Variants in TESC observed in about 807,000 individuals in gnomAD.
TESC encodes the protein calcineurin B homologous protein 3.
In TESC, 19 loss-of-function variants were observed where a neutral mutation model predicts 31.0. That is an observed-to-expected ratio of 0.61 (90% CI 0.43 to 0.90). The LOEUF (loss-of-function observed/expected upper bound fraction) is 0.90, where lower values mean the gene tolerates loss of function less well. Among genes scored for constraint, TESC ranks in the 40% least tolerant of loss-of-function variants. TESC has a pLI of 0.00. For synonymous variants in TESC, 109 were observed against 114.8 expected, an observed-to-expected ratio of 0.95 and a Z score of 0.32; for missense variants, 248 against 303.8, an observed-to-expected ratio of 0.82 and a Z score of 1.36.
At position 117,049,227 on chromosome 12, in the gene TESC, G is replaced by A; in HGVS notation, c.210-69C>T. The A allele has an allele frequency of 5.0e-6, 8 of 1,602,526 alleles. 1 individual carries two copies. In the South Asian group the frequency reaches 8.9e-5, roughly 18 times the overall value. On this transcript the variant is annotated intron_variant, in intron 3 of 7. Transcript: ENST00000335209. ...GGATCTTGTCCTCTTGCTACCATTA[G>A]CTCCCGAGAACTCCGCTCTCAGGGT...
At chr12:117,040,421 T>C (rs1954465386) in intron 7 of TESC, among the ~76,000 whole-genome samples, 3 of 152,180 alleles carry the variant, frequency 2.0e-5, no homozygotes, top group Admixed American at 2.0e-4. Context: ...AGGGACAGGC[T>C]TGGGGAGCAC....
At chr12:117,068,296 G>A (rs969648863) in intron 2 of TESC, among the ~76,000 whole-genome samples, 2 of 152,144 alleles carry the variant, frequency 1.3e-5, no homozygotes, top group Admixed American at 6.5e-5. Context: ...TTGGGAGGCC[G>A]AGGCGGGTGG....
intron 3 of TESC, among the ~76,000 whole-genome samples, chr12:117,050,858 G>A (rs1057286978): frequency 3.9e-5 from 6 of 152,292 alleles, no homozygotes; most frequent in Middle Eastern, 3.4e-3. Context: ...CCAGGAGGCC[G>A]AGGCTGCAGT....
chr12:117,053,386 CT>C (rs1187089198), intron 3 of TESC, among the ~76,000 whole-genome samples: 2 of 152,306 alleles, frequency 1.3e-5, no homozygotes, highest in African/African-American at 4.8e-5. Context: ...GGAAAACAGC[CT>C]GGCAGGTGTG....
At chr12:117,084,559 G>A (rs1037381854) in intron 1 of TESC, among the ~76,000 whole-genome samples, 1 of 152,230 alleles carries the variant, frequency 6.6e-6, no homozygotes, top group African/African-American at 2.4e-5. Flanking sequence ...TCAGGCTGTG[G>A]GGACCTGCTT....
chr12:117,081,941 G>T (rs1004776336), intron 1 of TESC, among the ~76,000 whole-genome samples: 1 of 151,830 alleles, frequency 6.6e-6, no homozygotes, highest in Admixed American at 6.6e-5. Context: ...TGGGGGAAAT[G>T]GGCCAGGTGT....
At chr12:117,044,602 C>T (rs1234083742) in intron 6 of TESC, among the ~76,000 whole-genome samples, 1 of 152,182 alleles carries the variant, frequency 6.6e-6, no homozygotes, top group African/African-American at 2.4e-5. Flanking sequence ...AGAAAGCACT[C>T]TCAAAAGATC....
chr12:117,054,401 G>GATGCAGCCTGCCCTCCCC (rs1327383301), intron 3 of TESC, among the ~76,000 whole-genome samples: 6 of 151,976 alleles, frequency 3.9e-5, no homozygotes, highest in Non-Finnish European at 8.8e-5. Context: ...GATGCTGTCC[G>GATGCAGCCTGCCCTCCCC]ATGCAGCCTG....
At position 117,083,017 on chromosome 12, in the gene TESC, A is replaced by G. The variant is rs924292522; in HGVS notation, c.59-7677T>C. ...ATTTAAATGGTACAACCACCGTGGA[A>G]AACAGTTTGGTAGTTCCTCAATCAA... On this transcript the variant is annotated intron_variant, in intron 1 of 7. Transcript: ENST00000335209. Among the ~76,000 whole-genome samples, 6 of 151,848 alleles carry G rather than the reference A, an allele frequency of 4.0e-5. No individual in the cohort carries two copies. The East Asian group carries it at 1.2e-3, about 29-fold the overall frequency.
intron 3 of TESC, among the ~76,000 whole-genome samples, chr12:117,052,800 G>C (rs1395492499): frequency 6.6e-6 from 1 of 151,894 alleles, no homozygotes; most frequent in African/African-American, 2.4e-5. Context: ...AGTGCCCTGG[G>C]AACCTTCCTT....
chr12:117,079,730 A>G (rs900644925), intron 1 of TESC, among the ~76,000 whole-genome samples: 42 of 152,204 alleles, frequency 2.8e-4, no homozygotes, highest in Middle Eastern at 3.4e-3. Flanking sequence ...GGGGCTGGAG[A>G]GGGAGAACAG....
chr12:117,076,694 G>A (rs1377433489), intron 1 of TESC, among the ~76,000 whole-genome samples: 6 of 152,188 alleles, frequency 3.9e-5, no homozygotes, highest in East Asian at 1.9e-4. Flanking sequence ...TCCGCCCACC[G>A]CAGCCTCCCA....
chr12:117,042,448 TAAG>T (rs1015573721), intron 6 of TESC, among the ~76,000 whole-genome samples: 4 of 152,174 alleles, frequency 2.6e-5, no homozygotes, highest in African/African-American at 7.2e-5. Context: ...GCTGTGCTGA[TAAG>T]AAGATTCCAG....
intron 7 of TESC, among the ~76,000 whole-genome samples, chr12:117,040,010 C>T (rs992029459): frequency 4.6e-5 from 7 of 152,208 alleles, no homozygotes; most frequent in Non-Finnish European, 8.8e-5. Flanking sequence ...ACGTGGTGGG[C>T]GGGTGACTTC....
chr12:117,087,151 T>G (rs572525251), intron 1 of TESC, among the ~76,000 whole-genome samples: 19 of 152,346 alleles, frequency 1.2e-4, no homozygotes, highest in African/African-American at 2.6e-4. Context: ...TGAACTCGTA[T>G]ACACCATAGA....
intron 1 of TESC, among the ~76,000 whole-genome samples, chr12:117,098,006 T>C (rs1955418359): frequency 6.6e-6 from 1 of 152,194 alleles, no homozygotes; most frequent in Non-Finnish European, 1.5e-5. Context: ...GATATAGACG[T>C]ATAAGTGCGT....
chr12:117,075,603 G>A (rs1955040975), intron 1 of TESC, among the ~76,000 whole-genome samples: 1 of 151,668 alleles, frequency 6.6e-6, no homozygotes, highest in Admixed American at 6.6e-5. Context: ...CTGAGACAGG[G>A]CAGTCATGAA....
intron 6 of TESC, among the ~76,000 whole-genome samples, chr12:117,043,085 G>A (rs1479461672): frequency 6.6e-6 from 1 of 152,060 alleles, no homozygotes; most frequent in African/African-American, 2.4e-5. Flanking sequence ...GCAGAAAGAT[G>A]TCTGCAGGTC....
intron 4 of TESC, among the ~76,000 whole-genome samples, chr12:117,048,175 G>A (rs1461217900): frequency 1.3e-5 from 2 of 152,188 alleles, no homozygotes; most frequent in South Asian, 2.1e-4. Context: ...CAAAGCTCAC[G>A]GAAGTTAAGG....
Sources: gnomAD v4.1 joint callset for allele counts (sites outside exome capture counted in the v4.1 genomes callset) on GRCh38, gnomAD v4.1.1 for gene constraint, MANE v1.5 for transcripts, NCBI Gene and HGNC (gene_info 2026-07-23, HGNC 2026-07-21) for gene names.